Variants in SYNPO observed in about 807,000 individuals in gnomAD.
SYNPO encodes synaptopodin.
In SYNPO, 19 loss-of-function variants were observed where a neutral mutation model predicts 49.5. The ratio of observed to expected loss-of-function variants is 0.38; its 90% confidence interval spans 0.27 to 0.56. The LOEUF (loss-of-function observed/expected upper bound fraction) is 0.56, where lower values mean the gene tolerates loss of function less well. SYNPO is among the 20% of genes least tolerant of loss of function. SYNPO has a pLI of 0.68. For missense variants in SYNPO, 1,131 were observed against 1,248.3 expected (o/e 0.91, Z 1.42); for synonymous variants, 536 against 548.0 (o/e 0.98, Z 0.31).
chr5:150,606,568 C>T (rs1293122732), intron 1 of SYNPO, among the ~76,000 whole-genome samples: 1 of 152,264 alleles, frequency 6.6e-6, no homozygotes, highest in Non-Finnish European at 1.5e-5. Flanking sequence ...GAGCACTGGG[C>T]TCTTGCTCTG....
At chr5:150,631,504 C>A (rs564731153) in intron 2 of SYNPO, among the ~76,000 whole-genome samples, 1 of 152,128 alleles carries the variant, frequency 6.6e-6, no homozygotes, top group Non-Finnish European at 1.5e-5. Context: ...ATGGCTGGAG[C>A]CTGGCAGGCT....
rs1286953449 is a variant in SYNPO at position 150,658,405 on chromosome 5, A to G, written c.*1318A>G. The stretch of plus-strand genomic sequence containing the variant: ...CATTATCCTGCCCCATCCCTTCCCC[A>G]GTGCACTCTGACCTAGCTAGTGCCT... On this transcript the variant is annotated 3_prime_UTR_variant, in exon 3 of 3. Transcript: ENST00000307662. The G allele has an allele frequency of 6.6e-6, 1 of 152,376 alleles. No individual in the cohort carries two copies. Among genetic ancestry groups the G allele is most frequent in the Non-Finnish European group, 1.5e-5 (1 of 68,110 alleles). The allele number at this position is 152,376 out of a possible 1,614,324, so 9.4% of individuals were successfully genotyped here.
At chr5:150,609,772 C>T (rs533081580) in intron 1 of SYNPO, among the ~76,000 whole-genome samples, 2 of 113,414 alleles carry the variant, frequency 1.8e-5, no homozygotes, top group African/African-American at 3.2e-5. Flanking sequence ...GGTGAGGGGG[C>T]ACTGTGAATG....
the SYNPO span, among the ~76,000 whole-genome samples, chr5:150,593,666 C>T: frequency 3.3e-5 from 5 of 152,168 alleles, no homozygotes; most frequent in Admixed American, 1.3e-4. Flanking sequence ...TGCCTCACTG[C>T]CCAGGCTGGT....
intron 1 of SYNPO, chr5:150,614,470 G>A (rs1472500436): frequency 6.6e-6 from 1 of 152,338 alleles, no homozygotes; most frequent in Admixed American, 6.5e-5. Context: ...GAGGGAGAAG[G>A]GGAGGCTGAC....
At chr5:150,594,888 A>G in the SYNPO span, among the ~76,000 whole-genome samples, 3 of 152,166 alleles carry the variant, frequency 2.0e-5, no homozygotes, top group Non-Finnish European at 4.4e-5. Context: ...CTGCCCCAGA[A>G]GTTTGCAAGG....
chr5:150,650,695 G>A, intron 2 of SYNPO: 2 of 1,384,690 alleles, frequency 1.4e-6, no homozygotes, highest in African/African-American at 1.5e-5. Flanking sequence ...CCTAGAAGGG[G>A]ATCCTAACAG....
chr5:150,612,128 A>G (rs562556641), intron 1 of SYNPO, among the ~76,000 whole-genome samples: 1 of 152,288 alleles, frequency 6.6e-6, no homozygotes, highest in South Asian at 2.1e-4. Context: ...AAGGACAACA[A>G]AAGCTTTCTT....
At chr5:150,604,485 G>A (rs1010020701) in intron 1 of SYNPO, among the ~76,000 whole-genome samples, 27 of 152,176 alleles carry the variant, frequency 1.8e-4, no homozygotes, top group African/African-American at 6.3e-4. Context: ...GGGTTTGGTA[G>A]GGGCAGTGTG....
chr5:150,598,439 G>A (rs1490582208), upstream of SYNPO, among the ~76,000 whole-genome samples: 5 of 152,188 alleles, frequency 3.3e-5, no homozygotes, highest in Admixed American at 2.0e-4. Flanking sequence ...GCACTGCCAC[G>A]GACAGGCTGG....
At chr5:150,637,266 A>G (rs1300068576), upstream of SYNPO, among the ~76,000 whole-genome samples, 1 of 152,140 alleles carries the variant, frequency 6.6e-6, no homozygotes, top group African/African-American at 2.4e-5. Context: ...GAAACCCACA[A>G]TCCACTCACT....
chr5:150,595,942 G>A, the SYNPO span, among the ~76,000 whole-genome samples: 1 of 152,276 alleles, frequency 6.6e-6, no homozygotes, highest in South Asian at 2.1e-4. Context: ...CTTCTCAAAG[G>A]AGAGAAGCAT....
chr5:150,653,262 G>A (rs1278923445), intron 2 of SYNPO: 2 of 152,274 alleles, frequency 1.3e-5, no homozygotes, highest in Non-Finnish European at 2.9e-5. Flanking sequence ...GGCTGTTAGG[G>A]TGAGGTCAGG....
At chr5:150,646,192 T>C (rs574642324) in intron 1 of SYNPO, among the ~76,000 whole-genome samples, 2 of 140,420 alleles carry the variant, frequency 1.4e-5, no homozygotes, top group South Asian at 4.4e-4. Context: ...AAAAAAAAAT[T>C]GGCTAAGTGT....
intron 2 of SYNPO, chr5:150,624,739 C>A (rs975139650): frequency 3.7e-5 from 25 of 683,172 alleles, no homozygotes; most frequent in Admixed American, 1.3e-4. Flanking sequence ...GAGCAGCCCG[C>A]TAGGCGGTGG....
chr5:150,617,639 TC>T (rs1757017462), intron 1 of SYNPO: 1 of 152,128 alleles, frequency 6.6e-6, no homozygotes. Flanking sequence ...AGGGCTCCTA[TC>T]CCCAGTTTGC....
At chr5:150,607,058 T>A (rs1433574603) in intron 1 of SYNPO, among the ~76,000 whole-genome samples, 1 of 152,130 alleles carries the variant, frequency 6.6e-6, no homozygotes, top group Non-Finnish European at 1.5e-5. Flanking sequence ...GGTTATTATC[T>A]TTTGATAGAC....
chr5:150,646,187 A>C (rs1191784780), intron 1 of SYNPO, among the ~76,000 whole-genome samples: 1 of 151,770 alleles, frequency 6.6e-6, no homozygotes, highest in Non-Finnish European at 1.5e-5. Flanking sequence ...AAAAAAAAAA[A>C]AAATTGGCTA....
At chr5:150,624,627 G>GCGGGA in intron 2 of SYNPO, 1 of 155,710 alleles carries the variant, frequency 6.4e-6, no homozygotes, top group African/African-American at 2.4e-5. Flanking sequence ...GCGGGGCGGG[G>GCGGGA]CGGGAGGGGC....
Sources: allele counts gnomAD v4.1 joint callset (sites outside exome capture counted in the v4.1 genomes callset), GRCh38; gene constraint gnomAD v4.1.1; transcripts MANE v1.5; gene names NCBI Gene and HGNC (gene_info 2026-07-23, HGNC 2026-07-21).